Variants in DMRTB1 observed in about 807,000 individuals in gnomAD.
The protein encoded by DMRTB1 is DMRT like family B with proline rich C-terminal 1.
In DMRTB1, 9 loss-of-function variants were observed where a neutral mutation model predicts 25.2. The observed-to-expected ratio is 0.36, with a 90% CI of 0.22 to 0.62. The LOEUF (loss-of-function observed/expected upper bound fraction) is 0.62. DMRTB1 is among the 20% of genes least tolerant of loss of function. DMRTB1 has a pLI of 0.71. For missense variants in DMRTB1, 551 were observed against 499.3 expected (o/e 1.10, Z -0.99); for synonymous variants, 269 against 238.1 (o/e 1.13, Z -1.20).
intron 3 of DMRTB1, among the ~76,000 whole-genome samples, chr1:53,466,130 C>A (rs1214989675): frequency 6.6e-6 from 1 of 152,124 alleles, no homozygotes; most frequent in African/African-American, 2.4e-5. Flanking sequence ...AGGCTCCTGG[C>A]GCCTAACAAG....
At position 53,464,770 on chromosome 1, in the gene DMRTB1, TC is replaced by T; in HGVS notation, c.890del (p.Pro297ArgfsTer13). On this transcript the variant is annotated frameshift_variant, in exon 3 of 4. Transcript: ENST00000371445. LOFTEE classifies it high-confidence loss of function. ...PPGYLSALHFLPPPPPPPPPS... is the reference protein window; with the variant it reads ...PPGYLSALHFXPPPPPPPPPS... ...GGCTACCTCTCTGCGCTCCACTTCC[TC>T]CCCCCGCCACCGCCACCACCACCTC... 1.2e-6 allele frequency: 2 copies of T among 1,612,426 alleles called. No homozygotes were observed. Among genetic ancestry groups the T allele is most frequent in the Non-Finnish European group, 1.7e-6 (2 of 1,179,402 alleles).
chr1:53,466,529 A>C (rs1644051155), intron 3 of DMRTB1, 66 bp from the exon 4 acceptor site: 10 of 1,438,912 alleles, frequency 6.9e-6, no homozygotes, highest in Admixed American at 4.0e-5. Context: ...GAAAATCTTC[A>C]TCTGCAAATA....
intron 1 of DMRTB1, chr1:53,460,670 C>T (rs935652455): frequency 1.3e-5 from 2 of 152,300 alleles, no homozygotes; most frequent in African/African-American, 4.8e-5. Context: ...TTCCCTGTGC[C>T]TTGGAGCTTT....
chr1:53,459,844 C>A lies in DMRTB1; in HGVS notation c.391C>A (p.Pro131Thr). ...GCCCCCGCGGGGCCGGAACCCCGGCCCGAGAGCCCTCCAGCCGGTTCTGGG... is the reference window on the plus strand; with the variant it reads ...GCCCCCGCGGGGCCGGAACCCCGGCACGAGAGCCCTCCAGCCGGTTCTGGG... ...EQPPRGRNPG[P>T]RALQPVLGGR... The change falls in exon 1 of 4, where the codon CCG becomes ACG. Residue 131 changes from proline to threonine, a missense_variant. Pro to Thr is a conservative substitution (Grantham distance 38). Coordinates refer to ENST00000371445, the MANE Select transcript of DMRTB1 (RefSeq NM_033067.3). The A allele has an allele frequency of 6.7e-7, 1 of 1,484,124 alleles. No homozygotes were observed. Among genetic ancestry groups the A allele is most frequent in the Non-Finnish European group, 8.9e-7 (1 of 1,125,852 alleles). 91.9% of individuals were successfully genotyped at this position (1,484,124 alleles called of 1,614,324 possible).
In DMRTB1 at chr1:53,461,487, A is replaced by G. The variant is rs1227285037; in HGVS notation, c.592A>G (p.Ile198Val). The G allele has an allele frequency of 1.9e-6, 3 of 1,595,154 alleles. No homozygotes were observed. The highest frequency in any genetic ancestry group is 2.6e-6 in the Non-Finnish European group (3 of 1,170,610). Residue 198 changes from isoleucine (I) to valine (V), a missense_variant, in exon 2 of 4, where the codon ATC (isoleucine) becomes GTC (valine). Transcript: ENST00000371445. ...GCGTTCTTTAGTGCGCCCTCTGAAC[A>G]TCAACCCGGACCGTGCACTGGGCCC... ...LFTDFVRPLNINPDRALGPEY... is the reference protein window; with the variant it reads ...LFTDFVRPLNVNPDRALGPEY...
In DMRTB1 at chr1:53,459,934, C is replaced by G; in HGVS notation, c.481C>G (p.Pro161Ala). ...GGCGATGCCCAGCCTTGCGGGACCCCCTTTTGGGGCGGAGGCCGCAGGCAG... is the reference window on the plus strand; with the variant it reads ...GGCGATGCCCAGCCTTGCGGGACCCGCTTTTGGGGCGGAGGCCGCAGGCAG... ...AVAMPSLAGP[P>A]FGAEAAGSGY... The change falls in exon 1 of 4, where the codon CCT becomes GCT. Residue 161 changes from proline to alanine, a missense_variant. Pro to Ala is a conservative substitution (Grantham distance 27). Transcript: ENST00000371445. 1 of 1,565,156 alleles carries G rather than the reference C, an allele frequency of 6.4e-7. No homozygotes were observed. The highest frequency in any genetic ancestry group is 2.4e-5 in the East Asian group (1 of 41,736).
chr1:53,466,829 A>G lies in DMRTB1; in HGVS notation c.*167A>G, dbSNP rs185643100. 2.0e-5 allele frequency: 14 copies of G among 700,998 alleles called. No homozygotes were observed. Among genetic ancestry groups the G allele is most frequent in the South Asian group, 1.6e-4 (9 of 56,854 alleles). 43.4% of individuals were successfully genotyped at this position (700,998 alleles called of 1,614,324 possible). A position where few individuals can be genotyped will look rare whatever the true frequency, so the allele number is the denominator to read the frequency against. On this transcript the variant is annotated 3_prime_UTR_variant, in exon 4 of 4. Coordinates refer to ENST00000371445, the MANE Select transcript of DMRTB1 (RefSeq NM_033067.3). The stretch of plus-strand genomic sequence containing the variant: ...GAAGGAGAGCAATTTCTAAGTTTCA[A>G]TCCTGCGCTGTACAGTTGAAGAAGA...
chr1:53,462,483 T>C (rs1354470627), intron 2 of DMRTB1, among the ~76,000 whole-genome samples: 1 of 152,204 alleles, frequency 6.6e-6, no homozygotes. Flanking sequence ...GGCAGCAGCT[T>C]CTCTTCCACT....
chr1:53,465,480 G>T (rs2100639985), intron 3 of DMRTB1, among the ~76,000 whole-genome samples: 1 of 152,314 alleles, frequency 6.6e-6, no homozygotes, highest in African/African-American at 2.4e-5. Context: ...AATGTTTTGG[G>T]TTTTCTTTTG....
chr1:53,462,777 T>C (rs1219410781), intron 2 of DMRTB1, among the ~76,000 whole-genome samples: 1 of 152,196 alleles, frequency 6.6e-6, no homozygotes, highest in Non-Finnish European at 1.5e-5. Flanking sequence ...CCCAGGTGCT[T>C]TCCACTGCCC....
chr1:53,461,433 A>G (rs1436960682), intron 1 of DMRTB1, 40 bp from the exon 2 acceptor site: 1 of 1,522,174 alleles, frequency 6.6e-7, no homozygotes, highest in East Asian at 2.5e-5. Context: ...TGCTTTTCCC[A>G]GCGGTGTCTA....
chr1:53,461,234 A>G (rs998673767), intron 1 of DMRTB1, among the ~76,000 whole-genome samples: 11 of 152,180 alleles, frequency 7.2e-5, no homozygotes, highest in Admixed American at 1.3e-4. Flanking sequence ...TGTGTGGGGC[A>G]GCGGGGAGGT....
chr1:53,460,935 G>GACAGGGTC (rs1644018743), intron 1 of DMRTB1, among the ~76,000 whole-genome samples: 1 of 152,174 alleles, frequency 6.6e-6, no homozygotes, highest in African/African-American at 2.4e-5. Context: ...CGTCCCATCT[G>GACAGGGTC]ACAGGGTCAC....
chr1:53,462,410 G>A (rs530595521), intron 2 of DMRTB1, among the ~76,000 whole-genome samples: 4 of 152,284 alleles, frequency 2.6e-5, no homozygotes, highest in Admixed American at 2.0e-4. Flanking sequence ...AATGGGGCTC[G>A]AGCTTCACCC....
In DMRTB1 at chr1:53,459,603, G is replaced by C. The variant is rs369311808; in HGVS notation, c.150G>C (p.Met50Ile). Residue 50 changes from methionine (M) to isoleucine (I), a missense_variant, in exon 1 of 4, where the codon ATG (methionine) becomes ATC (isoleucine). Transcript: ENST00000371445. ...CYLISERQKI[M>I]AAQKVLKTQA... is the part of the protein sequence containing the mutation. ...TGATCTCCGAGCGCCAGAAGATCAT[G>C]GCCGCGCAGAAGGTGCTCAAGACGC... 16 of 1,590,240 alleles carry C rather than the reference G, an allele frequency of 1.0e-5. No individual in the cohort carries two copies. The highest frequency in any genetic ancestry group is 6.9e-5 in the East Asian group (3 of 43,760).
At position 53,464,677 on chromosome 1, in the gene DMRTB1, TGCCGCCGCC is replaced by T. The variant is rs147307088; in HGVS notation, c.801_809del (p.Pro268_Pro270del). On this transcript the variant is annotated inframe_deletion, in exon 3 of 4. Coordinates refer to ENST00000371445, the MANE Select transcript of DMRTB1 (RefSeq NM_033067.3). The stretch of plus-strand genomic sequence containing the variant: ...GGAGACTTCCAGCCAAGCTACTACC[TGCCGCCGCC>T]GCCGCCGCCACTGCCGCCCCTTCCA... 1.8e-4 allele frequency: 298 copies of T among 1,612,038 alleles called. 1 individual carries two copies. Among genetic ancestry groups the T allele is most frequent in the Non-Finnish European group, 2.3e-4 (266 of 1,178,634 alleles).
rs1402484759 is a variant in DMRTB1, at chr1:53,461,559, C to T, written c.664C>T (p.Leu222=). The change falls in exon 2 of 4, where the codon CTG becomes TTG. Residue 222 remains leucine, a synonymous_variant. Transcript: ENST00000371445. ...SSMHPYCPFP[L]GYLDAPPGVP... ...CATGCACCCCTACTGCCCGTTCCCG[C>T]TGGGCTACCTGGACGCCCCTCCTGG... The T allele has an allele frequency of 6.2e-7, 1 of 1,612,262 alleles. No individual in the cohort carries two copies. The highest frequency in any genetic ancestry group is 2.2e-5 in the East Asian group (1 of 44,750).
chr1:53,464,508 G>T (rs187393066), intron 2 of DMRTB1, 129 bp from the exon 3 acceptor site: 2 of 1,424,694 alleles, frequency 1.4e-6, no homozygotes, highest in African/African-American at 1.4e-5. Flanking sequence ...AATGCCCTGT[G>T]CCTGTGTGTT....
At chr1:53,460,064 CGGAGCT>C in intron 1 of DMRTB1, 34 bp downstream of exon 1, 1 of 1,522,830 alleles carries the variant, frequency 6.6e-7, no homozygotes, top group East Asian at 2.6e-5. Context: ...GGTCGACTCC[CGGAGCT>C]GGCAGCCCAG....
Sources: allele counts gnomAD v4.1 joint callset (sites outside exome capture counted in the v4.1 genomes callset), GRCh38; gene constraint gnomAD v4.1.1; transcripts MANE v1.5; gene names NCBI Gene and HGNC (gene_info 2026-07-23, HGNC 2026-07-21).